TTC16: variants seen among roughly 807,000 people sequenced by gnomAD.
The protein encoded by TTC16 is tetratricopeptide repeat domain 16.
In TTC16, 66 loss-of-function variants were observed where a neutral mutation model predicts 80.4. The observed-to-expected ratio is 0.82, with a 90% CI of 0.67 to 1.01. TTC16 has a LOEUF of 1.01. TTC16 is among the 50% of genes least tolerant of loss of function. The pLI, the probability that TTC16 is intolerant of heterozygous loss-of-function variation, is 0.00. For synonymous variants in TTC16, 438 were observed against 451.3 expected (o/e 0.97, Z 0.37); for missense variants, 1,070 against 1,103.2 (o/e 0.97, Z 0.43).
At position 127,729,687 on chromosome 9, in the gene TTC16, C is replaced by T. The variant is rs773129892; in HGVS notation, c.1852+19C>T. 2.4e-5 allele frequency: 38 copies of T among 1,610,880 alleles called. No homozygotes were observed. Among genetic ancestry groups the T allele is most frequent in the East Asian group, 8.9e-5 (4 of 44,880 alleles). ...ATGAGCTGTAAGTCCCTGGTGCTTC[C>T]GCCAGGCCTCAGGAAGCTAAGGCAG... On this transcript the variant is annotated intron_variant, in intron 13 of 13. Transcript: ENST00000373289.
At position 127,717,381 on chromosome 9, in the gene TTC16, C is replaced by T; in HGVS notation, c.239C>T (p.Ala80Val). ...TTGGAGCAGGCAGACTGGGAGACAG[C>T]TGTGCTGCTCTTCTCCCGCGCACTC... ...QCLEQADWET[A>V]VLLFSRALHL... Residue 80 changes from alanine (A) to valine (V), a missense_variant, in exon 3 of 14, where the codon GCT becomes GTT. Ala to Val is a moderately conservative substitution (Grantham distance 64). Coordinates refer to ENST00000373289, the MANE Select transcript of TTC16 (RefSeq NM_144965.3). 1.2e-6 allele frequency: 2 copies of T among 1,613,092 alleles called. No homozygotes were observed. Among genetic ancestry groups the T allele is most frequent in the Non-Finnish European group, 1.7e-6 (2 of 1,180,028 alleles).
rs373820397 is a variant in TTC16, at chr9:127,722,967, C to CA, written c.658-137dup. On this transcript the variant is annotated intron_variant, in intron 6 of 13. Coordinates refer to ENST00000373289, the MANE Select transcript of TTC16 (RefSeq NM_144965.3). The surrounding 1 kb of genome is among the most constrained non-coding windows in gnomAD (Gnocchi z 4.2). ...TGGGTGACAGAGTGAGAATCCATCT[C>CA]AAAAAAAAAAAAAAAGCAGAAAGGG... 0.069 allele frequency: 40,380 copies of CA among 585,436 alleles called. No individual in the cohort carries two copies. Among genetic ancestry groups the CA allele is most frequent in the Middle Eastern group, 0.079 (166 of 2,108 alleles). 36.3% of individuals were successfully genotyped at this position (585,436 alleles called of 1,614,324 possible).
Position 127,727,188 on chromosome 9 carries a change from A to G in TTC16, c.1568+76A>G, listed in dbSNP as rs1588454826. ...TCCAGGCTCCTCTGGCTCCAGCTGC[A>G]TGACGGGGCCGTTGTCTAGTCCTTG... On this transcript the variant is annotated intron_variant, in intron 11 of 13. Coordinates refer to ENST00000373289, the MANE Select transcript of TTC16 (RefSeq NM_144965.3). 9 of 1,519,508 alleles carry G rather than the reference A, an allele frequency of 5.9e-6. No homozygotes were observed. In the East Asian group the frequency reaches 2.1e-4, roughly 35 times the overall value. 94.1% of individuals were successfully genotyped at this position (1,519,508 alleles called of 1,614,324 possible).
At chr9:127,728,436 T>C (rs1209131949) in intron 12 of TTC16, 1 of 152,226 alleles carries the variant, frequency 6.6e-6, no homozygotes, top group African/African-American at 2.4e-5. Context: ...AGACATCAAG[T>C]ACACTAATGT....
chr9:127,730,811 G>C lies in TTC16; in HGVS notation c.2028G>C (p.Gln676His), dbSNP rs1436208916. The C allele has an allele frequency of 6.2e-7, 1 of 1,613,838 alleles. No homozygotes were observed. Among genetic ancestry groups the C allele is most frequent in the Non-Finnish European group, 8.5e-7 (1 of 1,180,026 alleles). ...SHGPRKIKAT[Q>H]GQRQSLSKTE... ...GTCCCAGAAAAATCAAGGCCACCCA[G>C]GGCCAGAGGCAGAGCCTTAGCAAGA... The change falls in exon 14 of 14, where the codon CAG (glutamine) becomes CAC (histidine). Residue 676 changes from glutamine (Q) to histidine (H), a missense_variant. Transcript: ENST00000373289.
At chr9:127,716,618 C>T (rs986706320) in intron 1 of TTC16, 9 of 601,286 alleles carry the variant, frequency 1.5e-5, no homozygotes, top group Non-Finnish European at 2.0e-5. Context: ...GACCCTGATC[C>T]CTGACCTTGA....
At chr9:127,723,017 C>T (rs1435482121) in intron 6 of TTC16, 102 bp from the exon 7 acceptor site, 2 of 1,144,942 alleles carry the variant, frequency 1.7e-6, no homozygotes, top group Non-Finnish European at 2.5e-6. Context: ...ATGTGAGGGG[C>T]ACGGAGGAGG....
rs200187126 is a variant in TTC16 at position 127,717,401 on chromosome 9, G to C, written c.259G>C (p.Ala87Pro). 6.2e-7 allele frequency: 1 copy of C among 1,613,322 alleles called. No individual in the cohort carries two copies. The highest frequency in any genetic ancestry group is 8.5e-7 in the Non-Finnish European group (1 of 1,179,984). ...GACAGCTGTGCTGCTCTTCTCCCGCGCACTCCACCTGGACCCACAGCTGGT... is the reference window on the plus strand; with the variant it reads ...GACAGCTGTGCTGCTCTTCTCCCGCCCACTCCACCTGGACCCACAGCTGGT... ...WETAVLLFSR[A>P]LHLDPQLVDF... The change falls in exon 3 of 14, where the codon GCA (alanine) becomes CCA (proline). Residue 87 changes from alanine (A) to proline (P), a missense_variant. Coordinates refer to ENST00000373289, the MANE Select transcript of TTC16 (RefSeq NM_144965.3).
At position 127,724,372 on chromosome 9, in the gene TTC16, G is replaced by T. The variant is rs1337586522; in HGVS notation, c.1117+8G>T. 6.2e-6 allele frequency: 10 copies of T among 1,611,630 alleles called. No homozygotes were observed. The highest frequency in any genetic ancestry group is 7.6e-6 in the Non-Finnish European group (9 of 1,179,416). Reference sequence around the variant, plus strand: ...TCTACATCAACCGAGGCGGTGCGCAGCGACCAGGGCACTGGGGAGGGGGGG... The same window carrying T: ...TCTACATCAACCGAGGCGGTGCGCATCGACCAGGGCACTGGGGAGGGGGGG... On this transcript the variant is annotated splice_region_variant and intron_variant, in intron 8 of 13. Coordinates refer to ENST00000373289, the MANE Select transcript of TTC16 (RefSeq NM_144965.3).
Position 127,717,343 on chromosome 9 carries a change from A to G in TTC16, c.201A>G (p.Arg67=). 3.1e-6 allele frequency: 5 copies of G among 1,611,072 alleles called. No homozygotes were observed. The highest frequency in any genetic ancestry group is 4.2e-6 in the Non-Finnish European group (5 of 1,179,982). ...CCCACTTTCCCCACAGCTACTCCAG[A>G]GGCCAGCAGTGCTTGGAGCAGGCAG... The part of the protein sequence containing the change: ...VPLKVREYYS[R]GQQCLEQADW... The change falls in exon 3 of 14, where the codon AGA becomes AGG. Residue 67 remains arginine, a synonymous_variant. Coordinates refer to ENST00000373289, the MANE Select transcript of TTC16 (RefSeq NM_144965.3).
chr9:127,730,596 G>A (rs375480573), intron 13 of TTC16, 40 bp from the exon 14 acceptor site: 7 of 1,595,112 alleles, frequency 4.4e-6, no homozygotes, highest in African/African-American at 4.0e-5. Flanking sequence ...CAGGGCAGGT[G>A]CGGCAGGCCT....
At position 127,724,313 on chromosome 9, in the gene TTC16, A is replaced by G; in HGVS notation, c.1066A>G (p.Lys356Glu). The change falls in exon 8 of 14, where the codon AAG becomes GAG. Residue 356 changes from lysine (K) to glutamate (E), a missense_variant. Coordinates refer to ENST00000373289, the MANE Select transcript of TTC16 (RefSeq NM_144965.3). Reference protein sequence around the residue: ...AYQEGVLLLNKALRDEQQEKG... With the variant: ...AYQEGVLLLNEALRDEQQEKG... Reference sequence around the variant, plus strand: ...CCAGGAGGGCGTGCTGCTGCTGAACAAGGCCCTCCGGGACGAGCAGCAGGA... The same window carrying G: ...CCAGGAGGGCGTGCTGCTGCTGAACGAGGCCCTCCGGGACGAGCAGCAGGA... 6.2e-7 allele frequency: 1 copy of G among 1,612,882 alleles called. No individual in the cohort carries two copies. Among genetic ancestry groups the G allele is most frequent in the Non-Finnish European group, 8.5e-7 (1 of 1,179,940 alleles).
chr9:127,729,529 AGC>A (rs1844217345), intron 12 of TTC16, 50 bp from the exon 13 acceptor site: 4 of 1,495,188 alleles, frequency 2.7e-6, no homozygotes, highest in Non-Finnish European at 3.7e-6. Flanking sequence ...CTAGAGGTGC[AGC>A]TGCACGGGCC....
rs780294829 is a variant in TTC16, at chr9:127,717,610, T to C, written c.283-19T>C. ...AGATGGTGGGGAGGATCTAGCAGCC[T>C]GGGTCCCCTCACCCTCAGGTGGACT... On this transcript the variant is annotated intron_variant, in intron 3 of 13. Coordinates refer to ENST00000373289, the MANE Select transcript of TTC16 (RefSeq NM_144965.3). 1.9e-6 allele frequency: 3 copies of C among 1,612,058 alleles called. No individual in the cohort carries two copies. The highest frequency in any genetic ancestry group is 2.2e-5 in the South Asian group (2 of 90,852).
Position 127,716,161 on chromosome 9 carries a change from G to A in TTC16, c.16G>A (p.Glu6Lys). ...AAGGGGCCTCATGACAGATTCGGACGAGGTGCGGGCTTGGGAGAAGACTAA... is the reference window on the plus strand; with the variant it reads ...AAGGGGCCTCATGACAGATTCGGACAAGGTGCGGGCTTGGGAGAAGACTAA... MTDSDEDALKVDQGPS... is the reference protein window; with the variant it reads MTDSDKDALKVDQGPS... Residue 6 changes from glutamate to lysine, a missense_variant and splice_region_variant, in exon 1 of 14, where the codon GAG (glutamate) becomes AAG (lysine). Transcript: ENST00000373289. The A allele has an allele frequency of 1.2e-6, 2 of 1,613,980 alleles. No individual in the cohort carries two copies.
At position 127,724,346 on chromosome 9, in the gene TTC16, C is replaced by T; in HGVS notation, c.1099C>T (p.Leu367Phe). Residue 367 changes from leucine (L) to phenylalanine (F), a missense_variant, in exon 8 of 14, where the codon CTC (leucine) becomes TTC (phenylalanine). Leu to Phe is a conservative substitution (Grantham distance 22). Transcript: ENST00000373289. Reference sequence around the variant, plus strand: ...CCGGGACGAGCAGCAGGAGAAAGGACTCTACATCAACCGAGGCGGTGCGCA... The same window carrying T: ...CCGGGACGAGCAGCAGGAGAAAGGATTCTACATCAACCGAGGCGGTGCGCA... ...ALRDEQQEKG[L>F]YINRGDCFFQ... 1.2e-6 allele frequency: 2 copies of T among 1,612,496 alleles called. No homozygotes were observed. The highest frequency in any genetic ancestry group is 1.7e-5 in the Admixed American group (1 of 60,000).
rs766946420 is a variant in TTC16 at position 127,717,217 on chromosome 9, A to C, written c.192-117A>C. On this transcript the variant is annotated intron_variant, in intron 2 of 13. Transcript: ENST00000373289. ...GCCTGCCCTCCCTGGGCTTCTGTCT[A>C]CTCCTCCTGCCTCTCCACCCAGCTC... is the stretch of plus-strand genomic sequence containing the variant. The C allele has an allele frequency of 9.2e-6, 11 of 1,200,816 alleles. No individual in the cohort carries two copies. In the South Asian group the frequency reaches 1.0e-4, roughly 11 times the overall value. 74.4% of individuals were successfully genotyped at this position (1,200,816 alleles called of 1,614,324 possible).
chr9:127,727,206 A>G, intron 11 of TTC16, 64 bp from the exon 12 acceptor site: 1 of 1,521,504 alleles, frequency 6.6e-7, no homozygotes, highest in Non-Finnish European at 8.8e-7. Flanking sequence ...GCCGTTGTCT[A>G]GTCCTTGGAG....
At position 127,722,471 on chromosome 9, in the gene TTC16, A is replaced by C. The variant is rs1843586697; in HGVS notation, c.658-648A>C. ...GGGAGTGCAGGGGAGGGGAGGGAGGACACAACCGTCACAGTCAGGAGGTCA... is the reference window on the plus strand; with the variant it reads ...GGGAGTGCAGGGGAGGGGAGGGAGGCCACAACCGTCACAGTCAGGAGGTCA... On this transcript the variant is annotated intron_variant, in intron 6 of 13. Coordinates refer to ENST00000373289, the MANE Select transcript of TTC16 (RefSeq NM_144965.3). The surrounding 1 kb of genome is among the most constrained non-coding windows in gnomAD (Gnocchi z 4.2). 6.6e-6 allele frequency among the ~76,000 whole-genome samples: 1 copy of C among 152,022 alleles called. No homozygotes were observed. Among genetic ancestry groups the C allele is most frequent in the Admixed American group, 6.6e-5 (1 of 15,252 alleles).
Sources: gnomAD v4.1 joint callset for allele counts (sites outside exome capture counted in the v4.1 genomes callset) on GRCh38, gnomAD v4.1.1 for gene constraint, Gnocchi (gnomAD v3.1) non-coding constraint, MANE v1.5 for transcripts, NCBI Gene and HGNC (gene_info 2026-07-23, HGNC 2026-07-21) for gene names.